The following GRID2 variants were observed in gnomAD, a reference collection of about 807,000 sequenced individuals.
The protein encoded by GRID2 is glutamate receptor ionotropic, delta-2.
Under a neutral mutation model 114.8 loss-of-function variants are expected in GRID2, and 33 were observed. The ratio of observed to expected loss-of-function variants is 0.29; its 90% confidence interval spans 0.22 to 0.38. The LOEUF is 0.38. Ranked by LOEUF, GRID2 falls within the 10% of genes least tolerant of loss-of-function variation. The pLI is 1.00. For synonymous variants in GRID2, 505 were observed against 449.9 expected (o/e 1.12, Z -1.55); for missense variants, 1,184 against 1,257.7 (o/e 0.94, Z 0.89).
intron 2 of GRID2, among the ~76,000 whole-genome samples, chr4:92,727,408 ACACT>A (rs1736118934): frequency 6.6e-6 from 1 of 152,098 alleles, no homozygotes; most frequent in Non-Finnish European, 1.5e-5. Context: ...GCAAGTTGTA[ACACT>A]CACTTCAAGT....
At chr4:92,715,524 C>G (rs1735498850) in intron 2 of GRID2, among the ~76,000 whole-genome samples, 1 of 151,952 alleles carries the variant, frequency 6.6e-6, no homozygotes, top group Non-Finnish European at 1.5e-5. Flanking sequence ...AAAGACATAC[C>G]CAAGACTGGG....
intron 2 of GRID2, among the ~76,000 whole-genome samples, chr4:92,673,457 A>T (rs768113199): frequency 6.6e-6 from 1 of 152,222 alleles, no homozygotes; most frequent in Non-Finnish European, 1.5e-5. Context: ...AATATTTAAC[A>T]TATCAACCAT....
chr4:93,439,205 T>G (rs185373342), intron 10 of GRID2, among the ~76,000 whole-genome samples: 32 of 152,160 alleles, frequency 2.1e-4, no homozygotes, highest in Middle Eastern at 3.4e-3. Context: ...CCCAGTAATG[T>G]GATGGCTGGG....
intron 14 of GRID2, among the ~76,000 whole-genome samples, chr4:93,667,700 T>G (rs1724069063): frequency 6.6e-6 from 1 of 151,998 alleles, no homozygotes; most frequent in African/African-American, 2.4e-5. Flanking sequence ...ACATACTGAT[T>G]AATATTTTAG....
At chr4:92,840,904 T>A (rs954080302) in intron 2 of GRID2, among the ~76,000 whole-genome samples, 3 of 152,078 alleles carry the variant, frequency 2.0e-5, no homozygotes, top group African/African-American at 7.2e-5. Flanking sequence ...TCTGTTTCAG[T>A]AACTAAATGG....
chr4:92,541,794 A>C (rs899189013), intron 1 of GRID2, among the ~76,000 whole-genome samples: 1 of 152,142 alleles, frequency 6.6e-6, no homozygotes, highest in African/African-American at 2.4e-5. Flanking sequence ...CTGGAAAAAA[A>C]AAATCTTAAT....
At chr4:92,476,582 T>C (rs908683707) in intron 1 of GRID2, among the ~76,000 whole-genome samples, 27 of 152,180 alleles carry the variant, frequency 1.8e-4, no homozygotes, top group African/African-American at 6.3e-4. Context: ...CCAATCATTT[T>C]ACCTAGTTAA....
chr4:93,521,795 T>A (rs1423567071), intron 13 of GRID2, among the ~76,000 whole-genome samples: 1 of 152,094 alleles, frequency 6.6e-6, no homozygotes, highest in Non-Finnish European at 1.5e-5. Context: ...AGCCAAGTGA[T>A]AAAATCTTCA....
At chr4:92,603,871 T>A (rs1342862684) in intron 2 of GRID2, among the ~76,000 whole-genome samples, 1 of 151,794 alleles carries the variant, frequency 6.6e-6, no homozygotes, top group African/African-American at 2.4e-5. Context: ...AGTAGTCAAA[T>A]GACAAGAACA....
chr4:93,680,177 G>C (rs577820769), intron 14 of GRID2, among the ~76,000 whole-genome samples: 84 of 152,162 alleles, frequency 5.5e-4, no homozygotes, highest in African/African-American at 1.9e-3. Context: ...AGAAAATCTA[G>C]AAGAAATGGA....
At position 93,286,935 on chromosome 4, in the gene GRID2, G is replaced by T. The variant is rs188948544; in HGVS notation, c.1245+48445G>T. On this transcript the variant is annotated intron_variant, in intron 8 of 15. Transcript: ENST00000282020. ...AAATTAGAATAATATTATACAATCA[G>T]TGTTTTGACTTCATTCTAGCTGAAG... Among the ~76,000 whole-genome samples the T allele has an allele frequency of 4.7e-4, 71 of 152,124 alleles. No homozygotes were observed. In the East Asian group the frequency reaches 8.3e-3, roughly 18 times the overall value.
chr4:92,415,740 G>GTGTATATATA (rs1459039400), intron 1 of GRID2, among the ~76,000 whole-genome samples: 4 of 82,214 alleles, frequency 4.9e-5, no homozygotes, highest in African/African-American at 1.6e-4. Context: ...GTGTATGTGT[G>GTGTATATATA]TATATATATA....
At chr4:93,456,348 A>G (rs1723187717) in intron 11 of GRID2, among the ~76,000 whole-genome samples, 1 of 152,208 alleles carries the variant, frequency 6.6e-6, no homozygotes, top group African/African-American at 2.4e-5. Flanking sequence ...AATTATTTAC[A>G]TATGTAAGAA....
chr4:93,194,299 G>T (rs1357725694), intron 4 of GRID2, among the ~76,000 whole-genome samples: 3 of 152,126 alleles, frequency 2.0e-5, no homozygotes, highest in Non-Finnish European at 4.4e-5. Flanking sequence ...GAAAATATGT[G>T]TCATCAAACT....
chr4:93,017,900 T>TA (rs1722918151), intron 2 of GRID2, among the ~76,000 whole-genome samples: 1 of 149,692 alleles, frequency 6.7e-6, no homozygotes, highest in South Asian at 2.1e-4. Flanking sequence ...TTTTTTTTTT[T>TA]TACTCCTATG....
chr4:92,842,573 G>T (rs1282034816), intron 2 of GRID2, among the ~76,000 whole-genome samples: 2 of 152,134 alleles, frequency 1.3e-5, no homozygotes, highest in Non-Finnish European at 2.9e-5. Context: ...ACTCAGTAAT[G>T]TAGGTCAAAG....
At chr4:93,386,494 G>A (rs991287847) in intron 8 of GRID2, among the ~76,000 whole-genome samples, 1 of 152,166 alleles carries the variant, frequency 6.6e-6, no homozygotes, top group Non-Finnish European at 1.5e-5. Flanking sequence ...GCTGCCAGAT[G>A]TGGGAGTATT....
chr4:93,283,167 T>A (rs1399482142), intron 8 of GRID2, among the ~76,000 whole-genome samples: 1 of 152,064 alleles, frequency 6.6e-6, no homozygotes, highest in African/African-American at 2.4e-5. Context: ...TTGCCCTACC[T>A]AATTTCGCAA....
At chr4:92,987,373 T>C (rs1457984445) in intron 2 of GRID2, among the ~76,000 whole-genome samples, 1 of 152,062 alleles carries the variant, frequency 6.6e-6, no homozygotes, top group Non-Finnish European at 1.5e-5. Flanking sequence ...GCCTAAATGG[T>C]GTACACTCAG....
Sources: allele counts gnomAD v4.1 joint callset (sites outside exome capture counted in the v4.1 genomes callset), GRCh38; gene constraint gnomAD v4.1.1; transcripts MANE v1.5; gene names NCBI Gene and HGNC (gene_info 2026-07-23, HGNC 2026-07-21).